LRCH1: variants seen among roughly 807,000 people sequenced by gnomAD.
LRCH1 encodes the protein leucine-rich repeat and calponin homology domain-containing protein 1.
Under a neutral mutation model 94.9 loss-of-function variants are expected in LRCH1, and 23 were observed. That is an observed-to-expected ratio of 0.24 (90% CI 0.17 to 0.34). The LOEUF is 0.34. Ranked by LOEUF, LRCH1 falls within the 10% of genes least tolerant of loss-of-function variation. The pLI, the probability that LRCH1 is intolerant of heterozygous loss-of-function variation, is 1.00. For synonymous variants in LRCH1, 364 were observed against 354.9 expected (o/e 1.03, Z -0.29); for missense variants, 790 against 945.9 (o/e 0.84, Z 2.16).
At chr13:46,646,046 C>T (rs74076771) in intron 1 of LRCH1, among the ~76,000 whole-genome samples, 12,966 of 152,176 alleles carry the variant, frequency 0.085, 665 homozygotes, top group Middle Eastern at 0.16. Flanking sequence ...CACATCAAGA[C>T]CACTATGTCT....
At chr13:46,561,016 T>C (rs1041605612) in intron 1 of LRCH1, among the ~76,000 whole-genome samples, 3 of 152,234 alleles carry the variant, frequency 2.0e-5, no homozygotes, top group Non-Finnish European at 4.4e-5. Context: ...AGGGAAATGC[T>C]TTTATAGTCA....
chr13:46,586,162 C>T (rs2050433041), intron 1 of LRCH1, among the ~76,000 whole-genome samples: 1 of 152,112 alleles, frequency 6.6e-6, no homozygotes, highest in Admixed American at 6.5e-5. Context: ...AAAGCTAACT[C>T]CTGGATGACA....
chr13:46,705,594 T>C (rs1434160366), intron 13 of LRCH1: 2 of 545,718 alleles, frequency 3.7e-6, no homozygotes, highest in Non-Finnish European at 6.7e-6. Flanking sequence ...GCAACTAAAA[T>C]ACATAGGGAA....
intron 10 of LRCH1, among the ~76,000 whole-genome samples, chr13:46,700,797 C>G (rs1871424225): frequency 6.6e-6 from 1 of 152,180 alleles, no homozygotes; most frequent in African/African-American, 2.4e-5. Flanking sequence ...ATGCAGCCCC[C>G]TAGAACTCAG....
At chr13:46,631,733 TAA>T in intron 1 of LRCH1, among the ~76,000 whole-genome samples, 1 of 152,336 alleles carries the variant, frequency 6.6e-6, no homozygotes, top group South Asian at 2.1e-4. Flanking sequence ...AAAATATACA[TAA>T]GATTTATCAT....
rs764419091 is a variant in LRCH1, at chr13:46,715,621, C to T, written c.1716C>T (p.Asp572=). The change falls in exon 16 of 20, where the codon GAC becomes GAT. Residue 572 remains aspartate (D), a synonymous_variant. Coordinates refer to ENST00000389797, the MANE Select transcript of LRCH1 (RefSeq NM_001164211.2). The part of the protein sequence containing the change: ...FNTLTQAQTW[D]SSSYSVPSEG... Reference sequence around the variant, plus strand: ...CACTTACACAGGCACAGACATGGGACAGCTCTAGCTACAGTGTTCCATCTG... The same window carrying T: ...CACTTACACAGGCACAGACATGGGATAGCTCTAGCTACAGTGTTCCATCTG... 1.3e-6 allele frequency: 2 copies of T among 1,537,126 alleles called. No homozygotes were observed. Among genetic ancestry groups the T allele is most frequent in the South Asian group, 2.4e-5 (2 of 84,060 alleles).
chr13:46,641,699 G>A (rs906554100), intron 1 of LRCH1, among the ~76,000 whole-genome samples: 9 of 152,158 alleles, frequency 5.9e-5, no homozygotes, highest in African/African-American at 1.9e-4. Flanking sequence ...AACTCAGGAT[G>A]TTGTTGCTGG....
intron 1 of LRCH1, among the ~76,000 whole-genome samples, chr13:46,573,101 T>G (rs1016269169): frequency 6.6e-6 from 1 of 152,230 alleles, no homozygotes; most frequent in Non-Finnish European, 1.5e-5. Context: ...TCAATACATG[T>G]TAACTCTTAT....
intron 2 of LRCH1, among the ~76,000 whole-genome samples, chr13:46,660,145 G>A (rs993975867): frequency 4.1e-5 from 6 of 146,966 alleles, no homozygotes; most frequent in Non-Finnish European, 7.4e-5. Flanking sequence ...CCTAGTAGCT[G>A]GGACTACAGG....
At chr13:46,621,065 A>G (rs2050874337) in intron 1 of LRCH1, among the ~76,000 whole-genome samples, 1 of 152,176 alleles carries the variant, frequency 6.6e-6, no homozygotes, top group African/African-American at 2.4e-5. Flanking sequence ...CCTCAGAACC[A>G]AGATGTTTGG....
intron 1 of LRCH1, among the ~76,000 whole-genome samples, chr13:46,575,923 A>G (rs956823084): frequency 2.0e-5 from 3 of 152,224 alleles, no homozygotes; most frequent in Non-Finnish European, 4.4e-5. Context: ...AGCTTGATTA[A>G]CGGCAGCACA....
At chr13:46,609,197 G>A (rs1263651002) in intron 1 of LRCH1, among the ~76,000 whole-genome samples, 1 of 152,220 alleles carries the variant, frequency 6.6e-6, no homozygotes, top group African/African-American at 2.4e-5. Flanking sequence ...CGGCCTCTTT[G>A]TCACCTGTTC....
chr13:46,668,006 C>T (rs1480523970), intron 2 of LRCH1, among the ~76,000 whole-genome samples: 1 of 152,172 alleles, frequency 6.6e-6, no homozygotes, highest in African/African-American at 2.4e-5. Flanking sequence ...AAACACACAG[C>T]AGTTTTATTA....
chr13:46,730,593 C>G (rs912863251), intron 18 of LRCH1, among the ~76,000 whole-genome samples: 2 of 152,146 alleles, frequency 1.3e-5, no homozygotes, highest in African/African-American at 4.8e-5. Flanking sequence ...AAGGTTCAAC[C>G]ACTTTTTTAG....
intron 6 of LRCH1, 39 bp from the exon 7 acceptor site, chr13:46,689,094 T>G (rs1487715575): frequency 1.3e-6 from 2 of 1,501,374 alleles, no homozygotes; most frequent in African/African-American, 2.8e-5. Flanking sequence ...GATTTTAATC[T>G]TTTTTAAATG....
chr13:46,594,989 C>G (rs1306752153), intron 1 of LRCH1, among the ~76,000 whole-genome samples: 1 of 151,980 alleles, frequency 6.6e-6, no homozygotes, highest in African/African-American at 2.4e-5. Context: ...CAGCTATAAC[C>G]TTCTCCAACT....
rs774465439 is a variant in LRCH1, at chr13:46,701,213, T to A, written c.1400+6T>A. 3 of 1,598,002 alleles carry A rather than the reference T, an allele frequency of 1.9e-6. No homozygotes were observed. The South Asian group carries it at 3.3e-5, about 18-fold the overall frequency. ...TTGCTGCAAGATCCCAATGGGTGTG[T>A]ATGTCTCCTTGGTCCAGGTTTCATG... is the stretch of plus-strand genomic sequence containing the variant. On this transcript the variant is annotated splice_donor_region_variant and intron_variant, in intron 11 of 19. Coordinates refer to ENST00000389797, the MANE Select transcript of LRCH1 (RefSeq NM_001164211.2).
intron 1 of LRCH1, among the ~76,000 whole-genome samples, chr13:46,639,567 C>T (rs1273187815): frequency 2.6e-5 from 4 of 152,160 alleles, no homozygotes; most frequent in Non-Finnish European, 4.4e-5. Flanking sequence ...GCTCTAAAGC[C>T]TCACAGTGGA....
In LRCH1 at chr13:46,712,613, A is replaced by G; in HGVS notation, c.1654+16A>G. On this transcript the variant is annotated intron_variant, in intron 15 of 19. Coordinates refer to ENST00000389797, the MANE Select transcript of LRCH1 (RefSeq NM_001164211.2). Reference sequence around the variant, plus strand: ...CCTCGATCAGGTAAATGAAAACCTCAGCCCATTCTTACACTAAATAACTCA... The same window carrying G: ...CCTCGATCAGGTAAATGAAAACCTCGGCCCATTCTTACACTAAATAACTCA... 1 of 1,610,394 alleles carries G rather than the reference A, an allele frequency of 6.2e-7. No individual in the cohort carries two copies. Among genetic ancestry groups the G allele is most frequent in the Non-Finnish European group, 8.5e-7 (1 of 1,176,640 alleles).
Sources: allele counts gnomAD v4.1 joint callset (sites outside exome capture counted in the v4.1 genomes callset), GRCh38; gene constraint gnomAD v4.1.1; transcripts MANE v1.5; gene names NCBI Gene and HGNC (gene_info 2026-07-23, HGNC 2026-07-21).